The following ESR1 variants were observed in gnomAD, a reference collection of about 807,000 sequenced individuals.
ESR1 encodes the protein estrogen receptor.
A neutral mutation model predicts 52.7 loss-of-function variants in ESR1; 12 were observed. That is an observed-to-expected ratio of 0.23 (90% CI 0.15 to 0.37). The LOEUF (loss-of-function observed/expected upper bound fraction) is 0.37, where lower values mean the gene tolerates loss of function less well. Among genes scored for constraint, ESR1 ranks in the 10% least tolerant of loss-of-function variants. ESR1 has a pLI of 1.00. For synonymous variants in ESR1, 305 were observed against 316.8 expected, an observed-to-expected ratio of 0.96 and a Z score of 0.39; for missense variants, 584 against 779.7, an observed-to-expected ratio of 0.75 and a Z score of 2.99.
chr6:152,096,722 G>A (rs776978366), intron 7 of ESR1: 9 of 455,766 alleles, frequency 2.0e-5, no homozygotes, highest in Non-Finnish European at 3.1e-5. Context: ...GTAGGTGACT[G>A]CATTCAGAGT....
intron 1 of ESR1, among the ~76,000 whole-genome samples, chr6:151,822,208 A>G (rs1362794580): frequency 3.9e-5 from 6 of 152,232 alleles, no homozygotes; most frequent in Non-Finnish European, 8.8e-5. Context: ...GTAGGGATTA[A>G]TATGTTCTTG....
At position 151,680,132 on chromosome 6, in the gene ESR1, G is replaced by T. The variant is rs554689540; in HGVS notation, n.74-21743G>T. 5.3e-5 allele frequency among the ~76,000 whole-genome samples: 8 copies of T among 152,132 alleles called. No individual in the cohort carries two copies. The East Asian group carries it at 1.2e-3, about 22-fold the overall frequency. Reference sequence around the variant, plus strand: ...TGGAGGGTGGAAATCTGAGATCAGGGTGCCAGCATGGTCTGGTTCTGGTGA... The same window carrying T: ...TGGAGGGTGGAAATCTGAGATCAGGTTGCCAGCATGGTCTGGTTCTGGTGA... On this transcript the variant is annotated intron_variant and non_coding_transcript_variant, in intron 1 of 2. Coordinates refer to the ESR1 transcript ENST00000473497.
At chr6:151,872,862 C>T (rs1026668638) in intron 2 of ESR1, among the ~76,000 whole-genome samples, 2 of 152,126 alleles carry the variant, frequency 1.3e-5, no homozygotes, top group African/African-American at 2.4e-5. Context: ...TCCCTTGTAC[C>T]GTTGTGGCTG....
intron 3 of ESR1, among the ~76,000 whole-genome samples, chr6:151,892,637 A>T (rs1220208454): frequency 6.7e-6 from 1 of 150,172 alleles, no homozygotes; most frequent in Non-Finnish European, 1.5e-5. Context: ...CATGACTAAG[A>T]CTGGAATCCC....
At chr6:151,884,717 T>C (rs1273642528) in intron 3 of ESR1, among the ~76,000 whole-genome samples, 1 of 152,244 alleles carries the variant, frequency 6.6e-6, no homozygotes, top group Admixed American at 6.5e-5. Flanking sequence ...AGATGCAGGA[T>C]TTGAATTGCA....
intron 6 of ESR1, among the ~76,000 whole-genome samples, chr6:152,123,502 C>T (rs960381363): frequency 6.6e-6 from 1 of 152,160 alleles, no homozygotes; most frequent in Admixed American, 6.5e-5. Context: ...AGATTGAGTA[C>T]AGGTTTCAGA....
chr6:151,888,116 T>C (rs1442705419), intron 3 of ESR1, among the ~76,000 whole-genome samples: 1 of 152,202 alleles, frequency 6.6e-6, no homozygotes, highest in African/African-American at 2.4e-5. Flanking sequence ...TCTAGCTTTG[T>C]TCTTCTAGCT....
chr6:151,791,798 A>G (rs1164343439), intron 2 of ESR1, among the ~76,000 whole-genome samples: 2 of 152,224 alleles, frequency 1.3e-5, no homozygotes, highest in African/African-American at 4.8e-5. Flanking sequence ...AATAATAAAT[A>G]CCTGGAAAAT....
intron 2 of ESR1, among the ~76,000 whole-genome samples, chr6:151,779,894 C>T (rs548708803): frequency 0.014 from 1,638 of 114,808 alleles, 15 homozygotes; most frequent in Non-Finnish European, 0.024. Flanking sequence ...AGCGAGACTC[C>T]GTCTCAAAAA....
intron 7 of ESR1, chr6:152,096,574 A>G (rs984678676): frequency 4.4e-6 from 2 of 451,446 alleles, no homozygotes; most frequent in African/African-American, 2.0e-5. Context: ...GAATGGATGA[A>G]CAAATGGCTC....
chr6:152,059,944 C>T (rs545503877), intron 5 of ESR1, among the ~76,000 whole-genome samples: 59 of 152,202 alleles, frequency 3.9e-4, no homozygotes, highest in Admixed American at 2.7e-3. Flanking sequence ...AGGTGCTAAA[C>T]AATATGTTTA....
intron 3 of ESR1, among the ~76,000 whole-genome samples, chr6:151,933,221 G>A (rs1435296106): frequency 2.0e-5 from 3 of 149,916 alleles, no homozygotes; most frequent in African/African-American, 7.3e-5. Context: ...AAGCAATTGT[G>A]AATGGGAGTT....
intron 2 of ESR1, among the ~76,000 whole-genome samples, chr6:151,732,568 G>A (rs1376168129): frequency 2.8e-5 from 4 of 143,580 alleles, no homozygotes; most frequent in Non-Finnish European, 6.2e-5. Context: ...GATTTTATGA[G>A]GTTTGTCTCA....
At chr6:151,759,781 A>C (rs1784537365) in intron 2 of ESR1, among the ~76,000 whole-genome samples, 1 of 152,214 alleles carries the variant, frequency 6.6e-6, no homozygotes, top group South Asian at 2.1e-4. Context: ...GGCATACCCA[A>C]GAAGGAACAG....
At chr6:151,719,850 T>C (rs1296692516) in intron 2 of ESR1, among the ~76,000 whole-genome samples, 1 of 152,204 alleles carries the variant, frequency 6.6e-6, no homozygotes, top group African/African-American at 2.4e-5. Context: ...TCCCTACTAC[T>C]GAGCTACTGA....
rs1786749291 is a variant in ESR1 at position 151,783,565 on chromosome 6, A to G, written c.-70-24278A>G. Reference sequence around the variant, plus strand: ...TAATTCTTCACTTTACATAAAAGATATGTGTATTAAATACACCTTTTATTT... The same window carrying G: ...TAATTCTTCACTTTACATAAAAGATGTGTGTATTAAATACACCTTTTATTT... On this transcript the variant is annotated intron_variant, in intron 2 of 2. Coordinates refer to the ESR1 transcript ENST00000404742. Among the ~76,000 whole-genome samples the G allele has an allele frequency of 2.0e-5, 3 of 152,368 alleles. No individual in the cohort carries two copies. In the South Asian group the frequency reaches 6.2e-4, roughly 32 times the overall value.
chr6:151,685,064 G>A (rs536071294), intron 1 of ESR1, among the ~76,000 whole-genome samples: 1 of 145,348 alleles, frequency 6.9e-6, no homozygotes, highest in East Asian at 2.3e-4. Context: ...TAGCAACAGA[G>A]TCTCTGCTGT....
intron 2 of ESR1, among the ~76,000 whole-genome samples, chr6:151,848,245 G>A (rs1439706334): frequency 9.4e-6 from 1 of 106,184 alleles, no homozygotes; most frequent in African/African-American, 3.8e-5. Flanking sequence ...ACCAAACACC[G>A]CATATTCTCA....
intron 4 of ESR1, among the ~76,000 whole-genome samples, chr6:151,950,068 G>T (rs1486036909): frequency 6.6e-6 from 1 of 152,180 alleles, no homozygotes; most frequent in East Asian, 1.9e-4. Context: ...GTGTTAAAAA[G>T]GGGAGTTTTT....
Sources: allele counts gnomAD v4.1 joint callset (sites outside exome capture counted in the v4.1 genomes callset), GRCh38; gene constraint gnomAD v4.1.1; transcripts MANE v1.5; gene names NCBI Gene and HGNC (gene_info 2026-07-23, HGNC 2026-07-21).